The following VRTN variants were observed in gnomAD, a reference collection of about 807,000 sequenced individuals.
VRTN encodes vertebrae development associated.
VRTN carries 5 observed loss-of-function variants against 18.2 expected under a neutral mutation model. That is an observed-to-expected ratio of 0.27 (90% confidence interval 0.14 to 0.58). The LOEUF is 0.58. Among genes scored for constraint, VRTN ranks in the 20% least tolerant of loss-of-function variants. VRTN has a pLI of 0.91. For missense variants in VRTN, 741 were observed against 939.4 expected, an observed-to-expected ratio of 0.79 and a Z score of 2.76; for synonymous variants, 381 against 393.7, an observed-to-expected ratio of 0.97 and a Z score of 0.38.
intron 1 of VRTN, among the ~76,000 whole-genome samples, chr14:74,330,121 T>C (rs139469457): frequency 0.012 from 1,836 of 151,850 alleles, 30 homozygotes; most frequent in African/African-American, 0.042. Flanking sequence ...GTGATCTGCC[T>C]GCCTCGGCCT....
chr14:74,357,992 G>A lies in VRTN; in HGVS notation c.1209G>A (p.Gln403=). Residue 403 remains glutamine (Q), a synonymous_variant, in exon 2 of 2, where the codon CAG becomes CAA. Transcript: ENST00000256362. This position sits in a 1 kb window ranked among gnomAD's most constrained non-coding sequence, Gnocchi z 7.8. ...AVSSPGMVLM[Q]RAKLYLEHCI... Reference sequence around the variant, plus strand: ...CAAGCCCTGGAATGGTCTTAATGCAGCGGGCCAAGTTGTACCTGGAGCATT... The same window carrying A: ...CAAGCCCTGGAATGGTCTTAATGCAACGGGCCAAGTTGTACCTGGAGCATT... 6.2e-7 allele frequency: 1 copy of A among 1,614,236 alleles called. No homozygotes were observed. The highest frequency in any genetic ancestry group is 8.5e-7 in the Non-Finnish European group (1 of 1,180,034).
chr14:74,358,852 A>G lies in VRTN; in HGVS notation c.2069A>G (p.Lys690Arg), dbSNP rs1468056511. The G allele has an allele frequency of 1.9e-6, 3 of 1,613,980 alleles. No individual in the cohort carries two copies. Among genetic ancestry groups the G allele is most frequent in the Non-Finnish European group, 2.5e-6 (3 of 1,179,892 alleles). ...GCCCGCTCCACATACTACATGTGGA[A>G]GCGAGCCCTCTATGACGGCCTGACC... ...LTARSTYYMW[K>R]RALYDGLTLV... Residue 690 changes from lysine to arginine, a missense_variant, in exon 2 of 2, where the codon AAG (lysine) becomes AGG (arginine). By Grantham distance (26) the Lys-to-Arg change is conservative. Transcript: ENST00000256362. This position sits in a 1 kb window ranked among gnomAD's most constrained non-coding sequence, Gnocchi z 5.4.
chr14:74,318,598 G>A (rs2085432907), intron 1 of VRTN, among the ~76,000 whole-genome samples: 1 of 151,848 alleles, frequency 6.6e-6, no homozygotes. Context: ...TTTTAGTAGA[G>A]AAGGCGTTTC....
At chr14:74,311,648 G>A (rs1426825260) in intron 1 of VRTN, among the ~76,000 whole-genome samples, 1 of 152,088 alleles carries the variant, frequency 6.6e-6, no homozygotes, top group Non-Finnish European at 1.5e-5. Context: ...GACCTCGGGT[G>A]ATCTGCCTGC....
At chr14:74,356,672 A>C (rs1291168688) in intron 1 of VRTN, 111 bp from the exon 2 acceptor site, 24 of 1,389,332 alleles carry the variant, frequency 1.7e-5, no homozygotes, top group Non-Finnish European at 2.3e-5. Context: ...GGACGGGAGC[A>C]GATAGACATT....
At chr14:74,315,947 C>T (rs931046783) in intron 1 of VRTN, among the ~76,000 whole-genome samples, 1 of 152,134 alleles carries the variant, frequency 6.6e-6, no homozygotes, top group Admixed American at 6.6e-5. Context: ...TCCTTTCTAC[C>T]CCACCCCAAT....
chr14:74,355,141 CAAA>C (rs34077833), intron 1 of VRTN, among the ~76,000 whole-genome samples: 16 of 108,544 alleles, frequency 1.5e-4, no homozygotes, highest in African/African-American at 3.0e-4. Context: ...GACTCAGTCT[CAAA>C]AAAAAAAAAA....
upstream of VRTN, among the ~76,000 whole-genome samples, chr14:74,347,996 C>A (rs2085654748): frequency 6.6e-6 from 1 of 152,200 alleles, no homozygotes; most frequent in Non-Finnish European, 1.5e-5. Context: ...GAGTAGCTCT[C>A]CAGTCTGCCT....
Position 74,358,999 on chromosome 14 carries a change from C to A in VRTN, c.*107C>A. On this transcript the variant is annotated 3_prime_UTR_variant, in exon 2 of 2. Coordinates refer to ENST00000256362, the MANE Select transcript of VRTN (RefSeq NM_018228.3). The surrounding 1 kb of genome is among the most constrained non-coding windows in gnomAD (Gnocchi z 5.4). ...AGGATGTCCTTTGCTCTGGGTCCCA[C>A]AGTGTCTACCCTAAGTCCAAGGGTA... The A allele has an allele frequency of 6.8e-7, 1 of 1,464,614 alleles. No homozygotes were observed. Among genetic ancestry groups the A allele is most frequent in the South Asian group, 1.5e-5 (1 of 68,686 alleles). 90.7% of individuals were successfully genotyped at this position (1,464,614 alleles called of 1,614,324 possible). A position where few individuals can be genotyped will look rare whatever the true frequency, so the allele number is the denominator to read the frequency against.
intron 1 of VRTN, among the ~76,000 whole-genome samples, chr14:74,332,330 A>C (rs2085531638): frequency 9.2e-6 from 1 of 108,400 alleles, no homozygotes; most frequent in Non-Finnish European, 1.8e-5. Flanking sequence ...ATCGACTCCT[A>C]ATCTGTTTTT....
intron 1 of VRTN, among the ~76,000 whole-genome samples, chr14:74,327,952 G>A (rs767211004): frequency 2.0e-5 from 3 of 151,992 alleles, no homozygotes; most frequent in Non-Finnish European, 4.4e-5. Flanking sequence ...AACCCCTGAG[G>A]TCAGATGATC....
chr14:74,329,076 G>A (rs2085504933), intron 1 of VRTN, among the ~76,000 whole-genome samples: 1 of 152,046 alleles, frequency 6.6e-6, no homozygotes, highest in African/African-American at 2.4e-5. Context: ...TTCCAGACCA[G>A]CCTGATCAAC....
intron 1 of VRTN, among the ~76,000 whole-genome samples, chr14:74,355,707 T>A (rs543806512): frequency 6.6e-6 from 1 of 151,966 alleles, no homozygotes; most frequent in Non-Finnish European, 1.5e-5. Flanking sequence ...GCTAACTTTT[T>A]TTTTTGTATT....
At chr14:74,328,764 G>A (rs953501871) in intron 1 of VRTN, among the ~76,000 whole-genome samples, 1 of 152,246 alleles carries the variant, frequency 6.6e-6, no homozygotes, top group African/African-American at 2.4e-5. Context: ...TCAGGAGGCT[G>A]AGATGGGTGG....
At chr14:74,311,483 T>A (rs1315400437) in intron 1 of VRTN, among the ~76,000 whole-genome samples, 1 of 151,684 alleles carries the variant, frequency 6.6e-6, no homozygotes, top group Non-Finnish European at 1.5e-5. Context: ...TGCAGTGGCG[T>A]GATCTTGGCT....
upstream of VRTN, among the ~76,000 whole-genome samples, chr14:74,344,445 A>T (rs1366485860): frequency 6.8e-6 from 1 of 147,574 alleles, no homozygotes; most frequent in Non-Finnish European, 1.5e-5. Context: ...TGGAAAATGT[A>T]AAAGTGGCTG....
chr14:74,324,576 G>T (rs1216844333), intron 1 of VRTN, among the ~76,000 whole-genome samples: 1 of 150,132 alleles, frequency 6.7e-6, no homozygotes, highest in Non-Finnish European at 1.5e-5. Flanking sequence ...CAAAGAGAGG[G>T]TTAATGGGGG....
At chr14:74,323,562 C>T (rs987541587) in intron 1 of VRTN, among the ~76,000 whole-genome samples, 2 of 151,200 alleles carry the variant, frequency 1.3e-5, no homozygotes, top group Non-Finnish European at 2.9e-5. Flanking sequence ...CCAGGCTGGG[C>T]GACAGAGTGA....
intron 1 of VRTN, among the ~76,000 whole-genome samples, chr14:74,350,650 T>C (rs763511502): frequency 6.6e-5 from 10 of 152,232 alleles, no homozygotes; most frequent in African/African-American, 9.6e-5. Flanking sequence ...AGAGTCAGGC[T>C]GCTTAGACTT....
Sources: gnomAD v4.1 joint callset for allele counts (sites outside exome capture counted in the v4.1 genomes callset) on GRCh38, gnomAD v4.1.1 for gene constraint, Gnocchi (gnomAD v3.1) non-coding constraint, MANE v1.5 for transcripts, NCBI Gene and HGNC (gene_info 2026-07-23, HGNC 2026-07-21) for gene names.